Variants in GZF1 observed in about 807,000 individuals in gnomAD.
GZF1 encodes GDNF inducible zinc finger protein 1.
Under a neutral mutation model 49.4 loss-of-function variants are expected in GZF1, and 28 were observed. The ratio of observed to expected loss-of-function variants is 0.57; its 90% CI spans 0.42 to 0.78. GZF1 has a LOEUF of 0.78. GZF1 is among the 30% of genes least tolerant of loss of function. GZF1 has a pLI of 0.00. For missense variants in GZF1, 798 were observed against 916.2 expected (o/e 0.87, Z 1.67); for synonymous variants, 364 against 356.0 (o/e 1.02, Z -0.25).
At position 23,369,026 on chromosome 20, in the gene GZF1, T is replaced by G. The variant is rs1416726929; in HGVS notation, c.1627+97T>G. ...CCAGTAAATTACTTGGAACTAAGCT[T>G]TTGAAGAAAACTGGCCAAACTTTGT... is the stretch of plus-strand genomic sequence containing the variant. On this transcript the variant is annotated intron_variant, in intron 4 of 5. Coordinates refer to ENST00000338121, the MANE Select transcript of GZF1 (RefSeq NM_022482.5). 3.1e-5 allele frequency: 35 copies of G among 1,119,238 alleles called. No individual in the cohort carries two copies. In the Admixed American group the frequency reaches 8.9e-4, roughly 28 times the overall value. The allele number at this position is 1,119,238 out of a possible 1,614,324, so 69.3% of individuals were successfully genotyped here.
In GZF1 at chr20:23,370,084, C is replaced by G. The variant is rs752994189; in HGVS notation, c.1786-7C>G. 1 of 1,609,404 alleles carries G rather than the reference C, an allele frequency of 6.2e-7. No homozygotes were observed. Among genetic ancestry groups the G allele is most frequent in the Admixed American group, 1.7e-5 (1 of 59,994 alleles). On this transcript the variant is annotated splice_polypyrimidine_tract_variant and splice_region_variant and intron_variant, in intron 5 of 5. Coordinates refer to ENST00000338121, the MANE Select transcript of GZF1 (RefSeq NM_022482.5). ...TCAGTGACCTTTGTTTTGTGTTTAA[C>G]TTATAGATACACGATAAGAATACTC...
rs1465804433 is a variant in GZF1, at chr20:23,364,861, G to C, written c.478G>C (p.Ala160Pro). 4 of 1,614,200 alleles carry C rather than the reference G, an allele frequency of 2.5e-6. 1 individual carries two copies. The highest frequency in any genetic ancestry group is 3.4e-6 in the Non-Finnish European group (4 of 1,180,038). ...GAGCAGTGGCTCCCAAGTTAGTGCT[G>C]CTCCTGCCCCCAGGGCAAGTGTGGC... ...EVSSGSQVSA[A>P]PAPRASVATD... Residue 160 changes from alanine (A) to proline (P), a missense_variant, in exon 2 of 6, where the codon GCT (alanine) becomes CCT (proline). By Grantham distance (27) the Ala-to-Pro change is conservative. Transcript: ENST00000338121.
At position 23,365,706 on chromosome 20, in the gene GZF1, C is replaced by A; in HGVS notation, c.1323C>A (p.Gly441=). The A allele has an allele frequency of 6.4e-7, 1 of 1,567,194 alleles. No homozygotes were observed. The highest frequency in any genetic ancestry group is 8.6e-7 in the Non-Finnish European group (1 of 1,161,562). The part of the protein sequence containing the change: ...GDRPYGCTEC[G]ARFSQPSALK... The stretch of plus-strand genomic sequence containing the variant: ...GGCCCTACGGCTGCACCGAGTGCGG[C>A]GCCAGGTTCTCGCAGCCGTCCGCGC... Residue 441 remains glycine (G), a synonymous_variant, in exon 2 of 6, where the codon GGC becomes GGA. Transcript: ENST00000338121.
intron 2 of GZF1, 31 bp from the exon 3 acceptor site, chr20:23,366,972 C>A: frequency 6.9e-7 from 1 of 1,458,486 alleles, no homozygotes; most frequent in Non-Finnish European, 9.6e-7. Flanking sequence ...GAAATACATC[C>A]TAAGTTATCA....
In GZF1 at chr20:23,365,295, G is replaced by C. The variant is rs1568584894; in HGVS notation, c.912G>C (p.Glu304Asp). Residue 304 changes from glutamate to aspartate, a missense_variant, in exon 2 of 6, where the codon GAG becomes GAC. Glu to Asp is a conservative substitution (Grantham distance 45). Around this residue, in one of 3 missense-constraint regions of GZF1, gnomAD observed 247 missense variants for 228.5 expected, o/e 1.08. Coordinates refer to ENST00000338121, the MANE Select transcript of GZF1 (RefSeq NM_022482.5). ...GGCCGGAGGAGGAAGAGGAGGAGGA[G>C]GAGGAGGACGAAGAAGGGGAGAAGA... ...KAGPEEEEEE[E>D]EEDEEGEKKK... 5.0e-6 allele frequency: 8 copies of C among 1,607,136 alleles called. No individual in the cohort carries two copies. Among genetic ancestry groups the C allele is most frequent in the Non-Finnish European group, 6.0e-6 (7 of 1,175,874 alleles).
Position 23,365,043 on chromosome 20 carries a change from G to C in GZF1, c.660G>C (p.Arg220Ser). The change falls in exon 2 of 6, where the codon AGG (arginine) becomes AGC (serine). Residue 220 changes from arginine to serine, a missense_variant. By Grantham distance (110) the Arg-to-Ser change is moderately radical. Coordinates refer to ENST00000338121, the MANE Select transcript of GZF1 (RefSeq NM_022482.5). ...EVVKPPYPKI[R>S]RASGRLAGRK... ...TTAAACCTCCCTACCCTAAAATCAG[G>C]AGAGCTAGTGGAAGGCTGGCTGGGA... is the stretch of plus-strand genomic sequence containing the variant. 1 of 1,614,126 alleles carries C rather than the reference G, an allele frequency of 6.2e-7. No homozygotes were observed. The highest frequency in any genetic ancestry group is 8.5e-7 in the Non-Finnish European group (1 of 1,180,028).
In GZF1 at chr20:23,365,652, G is replaced by A. The variant is rs1396373374; in HGVS notation, c.1269G>A (p.Arg423=). 10 of 1,601,234 alleles carry A rather than the reference G, an allele frequency of 6.2e-6. No individual in the cohort carries two copies. Among genetic ancestry groups the A allele is most frequent in the African/African-American group, 1.3e-5 (1 of 74,896 alleles). Residue 423 remains arginine (R), a synonymous_variant, in exon 2 of 6, where the codon CGG becomes CGA. Transcript: ENST00000338121. ...GCCTGAGTTCCAAGACAGCGCTGCG[G>A]CTGCACGAGCGCACACACACGGGAG... The part of the protein sequence containing the change: ...GKGLSSKTAL[R]LHERTHTGDR...
intron 4 of GZF1, 83 bp downstream of exon 4, chr20:23,369,012 C>T: frequency 8.1e-7 from 1 of 1,232,506 alleles, no homozygotes; most frequent in Non-Finnish European, 1.1e-6. Context: ...CAGTAAATTA[C>T]TTGGAACTAA....
At chr20:23,369,892 A>G in intron 5 of GZF1, 151 bp downstream of exon 5, 1 of 986,202 alleles carries the variant, frequency 1.0e-6, no homozygotes, top group Non-Finnish European at 1.5e-6. Context: ...CGCTCACGGA[A>G]TGAATGAAGT....
Position 23,370,199 on chromosome 20 carries a change from T to A in GZF1, c.1894T>A (p.Ser632Thr), listed in dbSNP as rs1347455820. ...ACAGCCTGACGAAGAGTATGTGTCA[T>A]CCAAGCTTTCGGATAAATTGCTGTC... ...TEQPDEEYVS[S>T]KLSDKLLSFA... Residue 632 changes from serine to threonine, a missense_variant, in exon 6 of 6, where the codon TCC becomes ACC. Coordinates refer to ENST00000338121, the MANE Select transcript of GZF1 (RefSeq NM_022482.5). The A allele has an allele frequency of 6.2e-7, 1 of 1,614,188 alleles. No individual in the cohort carries two copies. The highest frequency in any genetic ancestry group is 2.2e-5 in the East Asian group (1 of 44,884).
At chr20:23,364,115 ATTTG>A (rs759279411) in intron 1 of GZF1, among the ~76,000 whole-genome samples, 10 of 152,378 alleles carry the variant, frequency 6.6e-5, no homozygotes, top group South Asian at 6.2e-4. Context: ...AACTTCCATC[ATTTG>A]TTTATCACTG....
Position 23,364,375 on chromosome 20 carries a change from G to T in GZF1, c.-9G>T. 6.5e-7 allele frequency: 1 copy of T among 1,539,878 alleles called. No individual in the cohort carries two copies. ...TTCTTTTTCAAAGCTGTTTTTGGAA[G>T]GAAGAAAGATGGAAAGCGGTGCAGT... On this transcript the variant is annotated 5_prime_UTR_variant, in exon 2 of 6. In the 5' UTR this introduces an upstream ATG that the reference lacks. Transcript: ENST00000338121.
At position 23,365,244 on chromosome 20, in the gene GZF1, G is replaced by T; in HGVS notation, c.861G>T (p.Glu287Asp). ...ATGAGGGTTGCCAGGCAGGTGCTGA[G>T]TTGGAGGAATTGTCAAAGAAAGCAG... is the stretch of plus-strand genomic sequence containing the variant. ...SKNEGCQAGA[E>D]LEELSKKAGP... is the part of the protein sequence containing the mutation. Residue 287 changes from glutamate (E) to aspartate (D), a missense_variant, in exon 2 of 6, where the codon GAG becomes GAT. Glu to Asp is a conservative substitution (Grantham distance 45). Around this residue, in one of 3 missense-constraint regions of GZF1, gnomAD observed 247 missense variants for 228.5 expected, o/e 1.08. Coordinates refer to ENST00000338121, the MANE Select transcript of GZF1 (RefSeq NM_022482.5). 3 of 1,605,870 alleles carry T rather than the reference G, an allele frequency of 1.9e-6. No individual in the cohort carries two copies. The highest frequency in any genetic ancestry group is 1.7e-6 in the Non-Finnish European group (2 of 1,175,598).
At position 23,370,413 on chromosome 20, in the gene GZF1, A is replaced by G. The variant is rs1442451980; in HGVS notation, c.2108A>G (p.Gln703Arg). The change falls in exon 6 of 6, where the codon CAG (glutamine) becomes CGG (arginine). Residue 703 changes from glutamine to arginine, a missense_variant. Coordinates refer to ENST00000338121, the MANE Select transcript of GZF1 (RefSeq NM_022482.5). ...LTPQTDSMPT[Q>R]LHSLSNME is the part of the protein sequence containing the mutation. ...CCACAGACAGACTCGATGCCCACACAGCTTCACTCTTTGAGCAACATGGAA... is the reference window on the plus strand; with the variant it reads ...CCACAGACAGACTCGATGCCCACACGGCTTCACTCTTTGAGCAACATGGAA... 1.2e-6 allele frequency: 2 copies of G among 1,613,138 alleles called. No individual in the cohort carries two copies. Among genetic ancestry groups the G allele is most frequent in the Non-Finnish European group, 1.7e-6 (2 of 1,179,096 alleles).
At chr20:23,361,457 C>G (rs563720287), upstream of GZF1, among the ~76,000 whole-genome samples, 1 of 152,356 alleles carries the variant, frequency 6.6e-6, no homozygotes, top group African/African-American at 2.4e-5. Flanking sequence ...CTGTAGTGAA[C>G]AAAGCTTTCG....
In GZF1 at chr20:23,365,405, G is replaced by C. The variant is rs1325158644; in HGVS notation, c.1022G>C (p.Gly341Ala). 3 of 1,613,746 alleles carry C rather than the reference G, an allele frequency of 1.9e-6. No homozygotes were observed. The African/African-American group carries it at 4.0e-5, about 22-fold the overall frequency. Residue 341 changes from glycine (G) to alanine (A), a missense_variant, in exon 2 of 6, where the codon GGC becomes GCC. Around this residue, in one of 3 missense-constraint regions of GZF1, gnomAD observed 446 missense variants for 540.1 expected, o/e 0.83. Coordinates refer to ENST00000338121, the MANE Select transcript of GZF1 (RefSeq NM_022482.5). ...SFLKHSKHRH[G>A]VATEVVYRCD... ...CTGAAGCACAGCAAGCACCGCCACG[G>C]CGTGGCCACCGAGGTGGTGTACCGC...
At position 23,365,577 on chromosome 20, in the gene GZF1, G is replaced by A. The variant is rs778931237; in HGVS notation, c.1194G>A (p.Gln398=). 6.2e-7 allele frequency: 1 copy of A among 1,611,344 alleles called. No homozygotes were observed. Among genetic ancestry groups the A allele is most frequent in the Non-Finnish European group, 8.5e-7 (1 of 1,179,624 alleles). The change falls in exon 2 of 6, where the codon CAG becomes CAA. Residue 398 remains glutamine (Q), a synonymous_variant. Coordinates refer to ENST00000338121, the MANE Select transcript of GZF1 (RefSeq NM_022482.5). ...RKKDVKRHVL[Q]VHEGGGERHR... The stretch of plus-strand genomic sequence containing the variant: ...AGGACGTGAAGCGGCACGTGCTGCA[G>A]GTGCATGAGGGCGGCGGCGAGCGGC...
chr20:23,365,615 A>G lies in GZF1; in HGVS notation c.1232A>G (p.Gln411Arg). ...EGGGERHRCG[Q>R]CGKGLSSKTA... ...GGCGGCGAGCGGCACCGCTGCGGCC[A>G]GTGCGGCAAGGGCCTGAGTTCCAAG... Residue 411 changes from glutamine to arginine, a missense_variant, in exon 2 of 6, where the codon CAG (glutamine) becomes CGG (arginine). Coordinates refer to ENST00000338121, the MANE Select transcript of GZF1 (RefSeq NM_022482.5). 6.2e-7 allele frequency: 1 copy of G among 1,606,276 alleles called. No homozygotes were observed. The highest frequency in any genetic ancestry group is 8.5e-7 in the Non-Finnish European group (1 of 1,179,364).
chr20:23,363,631 TG>T (rs1980950003), intron 1 of GZF1, among the ~76,000 whole-genome samples: 1 of 152,206 alleles, frequency 6.6e-6, no homozygotes, highest in South Asian at 2.1e-4. Context: ...CCTTGGCCTA[TG>T]TGTGGGAAAC....
Sources: allele counts gnomAD v4.1 joint callset (sites outside exome capture counted in the v4.1 genomes callset), GRCh38; gene constraint gnomAD v4.1.1; regional missense constraint gnomAD v4.1.1; transcripts MANE v1.5; gene names NCBI Gene and HGNC (gene_info 2026-07-23, HGNC 2026-07-21).